Variants in MLXIPL observed in about 807,000 individuals in gnomAD.
The protein encoded by MLXIPL is MLX interacting protein like, also known as carbohydrate-responsive element-binding protein.
In MLXIPL, 49 loss-of-function variants were observed where a neutral mutation model predicts 81.5. The observed-to-expected ratio is 0.60, with a 90% CI of 0.48 to 0.76. The LOEUF (loss-of-function observed/expected upper bound fraction) is 0.76. Among genes scored for constraint, MLXIPL ranks in the 30% least tolerant of loss-of-function variants. MLXIPL has a pLI of 0.00. For missense variants in MLXIPL, 1,053 were observed against 1,167.0 expected (o/e 0.90, Z 1.42); for synonymous variants, 466 against 485.5 (o/e 0.96, Z 0.53).
the MLXIPL span, among the ~76,000 whole-genome samples, chr7:73,638,270 G>A: frequency 1.8e-4 from 28 of 152,214 alleles, no homozygotes; most frequent in Middle Eastern, 3.4e-3. Context: ...TAAGTCACTC[G>A]CTTGAGGTAC....
chr7:73,627,281 G>T (rs1796769210), upstream of MLXIPL, among the ~76,000 whole-genome samples: 1 of 143,378 alleles, frequency 7.0e-6, no homozygotes, highest in African/African-American at 2.7e-5. Context: ...GCCAGTCTCA[G>T]TCTGTCACCC....
At chr7:73,603,515 CA>C (rs1415118134) in intron 7 of MLXIPL, among the ~76,000 whole-genome samples, 5 of 152,214 alleles carry the variant, frequency 3.3e-5, no homozygotes, top group African/African-American at 9.6e-5. Context: ...GGGACTGGAA[CA>C]GGGGTGGGGG....
chr7:73,616,607 C>T lies in MLXIPL; in HGVS notation c.294-430G>A, dbSNP rs978876095. Reference sequence around the variant, plus strand: ...TCACGCCTGTCATCCCAGAACTTTGCGGGGCCAAGGCGGGTGGATCGCCTG... The same window carrying T: ...TCACGCCTGTCATCCCAGAACTTTGTGGGGCCAAGGCGGGTGGATCGCCTG... On this transcript the variant is annotated intron_variant, in intron 1 of 16. Transcript: ENST00000313375. Among the ~76,000 whole-genome samples the T allele has an allele frequency of 3.0e-4, 45 of 151,978 alleles. 1 individual carries two copies. The highest frequency in any genetic ancestry group is 2.9e-3 in the Admixed American group (44 of 15,220).
At chr7:73,635,533 TTCCATCCATCCA>T in the MLXIPL span, among the ~76,000 whole-genome samples, 11 of 151,366 alleles carry the variant, frequency 7.3e-5, no homozygotes, top group East Asian at 1.9e-4. Flanking sequence ...CCATCTCTTC[TTCCATCCATCCA>T]TCCATCCATC....
upstream of MLXIPL, among the ~76,000 whole-genome samples, chr7:73,625,140 C>T (rs551337014): frequency 3.9e-4 from 60 of 152,096 alleles, no homozygotes; most frequent in East Asian, 1.4e-3. Flanking sequence ...GCGGAGATCG[C>T]GCCACTGCAC....
chr7:73,607,520 C>T (rs1795389552), intron 3 of MLXIPL, 70 bp downstream of exon 3: 2 of 1,580,186 alleles, frequency 1.3e-6, no homozygotes, highest in African/African-American at 1.3e-5. Context: ...CGCAAGGCTA[C>T]AGGAGGCAGG....
chr7:73,629,918 A>T, the MLXIPL span, among the ~76,000 whole-genome samples: 1 of 151,902 alleles, frequency 6.6e-6, no homozygotes, highest in Non-Finnish European at 1.5e-5. Context: ...AGCACTTACC[A>T]CCTAGCAGGT....
At chr7:73,617,615 C>A (rs1198050980) in intron 1 of MLXIPL, among the ~76,000 whole-genome samples, 12 of 152,016 alleles carry the variant, frequency 7.9e-5, no homozygotes, top group Admixed American at 7.9e-4. Context: ...GAGGCCAAGG[C>A]GGGAGGATCG....
At chr7:73,599,016 C>G (rs535949442) in intron 8 of MLXIPL, among the ~76,000 whole-genome samples, 1 of 150,514 alleles carries the variant, frequency 6.6e-6, no homozygotes, top group Non-Finnish European at 1.5e-5. Context: ...TACAGTGAGC[C>G]GAGATCATGC....
Position 73,596,641 on chromosome 7 carries a change from C to A in MLXIPL, c.1820G>T (p.Ser607Ile). ...ATCCCTGCAACCCCTCTCTTTACCG[C>A]TGGGCGCTGGGGGTGAGAGCCGCTC... ...KAERLSPPAP[S>I]GSERRLSGDL... Residue 607 changes from serine to isoleucine, a missense_variant and splice_region_variant, in exon 11 of 17, where the codon AGC becomes ATC. Ser to Ile is a moderately radical substitution (Grantham distance 142). Transcript: ENST00000313375. The surrounding 1 kb of genome is among the most constrained non-coding windows in gnomAD (Gnocchi z 4.7). 6.3e-7 allele frequency: 1 copy of A among 1,597,580 alleles called. No individual in the cohort carries two copies. The highest frequency in any genetic ancestry group is 8.5e-7 in the Non-Finnish European group (1 of 1,171,972).
At chr7:73,639,243 G>C in the MLXIPL span, among the ~76,000 whole-genome samples, 1 of 152,324 alleles carries the variant, frequency 6.6e-6, no homozygotes, top group South Asian at 2.1e-4. Context: ...CTAATCTGTG[G>C]ATGATAAGTA....
the MLXIPL span, among the ~76,000 whole-genome samples, chr7:73,640,188 T>C: frequency 1.3e-5 from 2 of 150,946 alleles, no homozygotes; most frequent in Admixed American, 6.6e-5. Flanking sequence ...AGTGATCACT[T>C]GAGCTCAAGA....
intron 1 of MLXIPL, among the ~76,000 whole-genome samples, chr7:73,617,791 G>T (rs1796089319): frequency 6.6e-6 from 1 of 152,116 alleles, no homozygotes; most frequent in Admixed American, 6.6e-5. Flanking sequence ...GCTACAGTGA[G>T]CTATGATCAC....
At chr7:73,620,743 G>GA (rs1185076783) in intron 1 of MLXIPL, among the ~76,000 whole-genome samples, 29 of 120,292 alleles carry the variant, frequency 2.4e-4, no homozygotes, top group African/African-American at 2.2e-4. Context: ...CTCCGTCTCA[G>GA]AAAAAAAAAA....
At position 73,607,740 on chromosome 7, in the gene MLXIPL, GACTCAA is replaced by G. The variant is rs1318033542; in HGVS notation, c.401-74_401-69del. 4.4e-6 allele frequency: 6 copies of G among 1,369,774 alleles called. No individual in the cohort carries two copies. In the African/African-American group the frequency reaches 8.6e-5, roughly 20 times the overall value. The allele number at this position is 1,369,774 out of a possible 1,614,324, so 84.9% of individuals were successfully genotyped here. ...CCCCCACCTCACCCCAGGGGACTGG[GACTCAA>G]GTGACACCCTGCGAAATCCTGCTTG... is the stretch of plus-strand genomic sequence containing the variant. On this transcript the variant is annotated intron_variant, in intron 2 of 16. Coordinates refer to ENST00000313375, the MANE Select transcript of MLXIPL (RefSeq NM_032951.3).
intron 1 of MLXIPL, among the ~76,000 whole-genome samples, chr7:73,619,188 C>T (rs782031182): frequency 6.6e-6 from 1 of 152,012 alleles, no homozygotes; most frequent in African/African-American, 2.4e-5. Context: ...GGGCCAGGCA[C>T]AGTGGCTCAT....
intron 2 of MLXIPL, among the ~76,000 whole-genome samples, chr7:73,608,883 G>A (rs1554599079): frequency 6.6e-6 from 1 of 152,144 alleles, no homozygotes; most frequent in Non-Finnish European, 1.5e-5. Flanking sequence ...CCAGAGTGCA[G>A]TGGCGCAATC....
Position 73,607,621 on chromosome 7 carries a change from C to T in MLXIPL, c.452G>A (p.Gly151Glu). The change falls in exon 3 of 17, where the codon GGG becomes GAG. Residue 151 changes from glycine (G) to glutamate (E), a missense_variant. Gly to Glu is a moderately conservative substitution (Grantham distance 98, BLOSUM62 -2). Transcript: ENST00000313375. ...CTTCCGGTGCGCATCAGCCTCAGGC[C>T]CCTGCAGGGGGGTCACGAAGCCACA... ...PVCGFVTPLQGPEADAHRKPE... is the reference protein window; with the variant it reads ...PVCGFVTPLQEPEADAHRKPE... The T allele has an allele frequency of 6.2e-7, 1 of 1,613,390 alleles. No homozygotes were observed. Among genetic ancestry groups the T allele is most frequent in the Non-Finnish European group, 8.5e-7 (1 of 1,180,000 alleles).
intron 7 of MLXIPL, among the ~76,000 whole-genome samples, chr7:73,604,635 G>A (rs369519843): frequency 3.3e-5 from 5 of 152,022 alleles, no homozygotes; most frequent in Admixed American, 3.3e-4. Context: ...GAATGTTCTC[G>A]GATAAAAGAC....
Sources: gnomAD v4.1 joint callset for allele counts (sites outside exome capture counted in the v4.1 genomes callset) on GRCh38, gnomAD v4.1.1 for gene constraint, Gnocchi (gnomAD v3.1) non-coding constraint, MANE v1.5 for transcripts, NCBI Gene and HGNC (gene_info 2026-07-23, HGNC 2026-07-21) for gene names.